Variants in SPDYE16 observed in about 807,000 individuals in gnomAD.
The protein encoded by SPDYE16 is speedy/RINGO cell cycle regulator family member E16, also known as speedy protein E16.
SPDYE16 carries 5 observed loss-of-function variants against 40.1 expected under a neutral mutation model. The observed-to-expected ratio is 0.12, with a 90% CI of 0.07 to 0.26. The LOEUF (loss-of-function observed/expected upper bound fraction) is 0.26. Ranked by LOEUF, SPDYE16 falls within the 10% of genes least tolerant of loss-of-function variation. The pLI, the probability that SPDYE16 is intolerant of heterozygous loss-of-function variation, is 1.00. For missense variants in SPDYE16, 98 were observed against 409.8 expected, an observed-to-expected ratio of 0.24 and a Z score of 6.57; for synonymous variants, 40 against 154.2, an observed-to-expected ratio of 0.26 and a Z score of 5.49.
At chr7:76,541,007 A>C (rs1357514565) in intron 2 of SPDYE16, among the ~76,000 whole-genome samples, 1 of 112,910 alleles carries the variant, frequency 8.9e-6, no homozygotes, top group African/African-American at 4.2e-5. Flanking sequence ...CAGTAGCGTG[A>C]TCTCAGCTCA....
At chr7:76,542,628 T>TA (rs1188752542) in intron 1 of SPDYE16, among the ~76,000 whole-genome samples, 1 of 145,712 alleles carries the variant, frequency 6.9e-6, no homozygotes, top group Non-Finnish European at 1.5e-5. Flanking sequence ...AGCCCATCTC[T>TA]AAAAAAACCA....
chr7:76,535,706 T>G (rs1813025463), intron 6 of SPDYE16, among the ~76,000 whole-genome samples: 1 of 54,862 alleles, frequency 1.8e-5, no homozygotes, highest in Non-Finnish European at 3.5e-5. Flanking sequence ...CTTTTTTTTT[T>G]TTTTTTTTTT....
chr7:76,539,321 G>A (rs1584288069), intron 3 of SPDYE16, among the ~76,000 whole-genome samples: 4 of 96,120 alleles, frequency 4.2e-5, no homozygotes, highest in African/African-American at 2.2e-4. Flanking sequence ...CAAGTGATCT[G>A]CCTGCCTGGC....
At chr7:76,540,974 CTT>C (rs1292373639) in intron 2 of SPDYE16, among the ~76,000 whole-genome samples, 3 of 113,470 alleles carry the variant, frequency 2.6e-5, no homozygotes, top group African/African-American at 8.4e-5. Context: ...CTTTTCTTTT[CTT>C]TTTTTTTTTT....
chr7:76,534,194 A>T, intron 6 of SPDYE16, 75 bp from the exon 7 acceptor site: 1 of 1,573,156 alleles, frequency 6.4e-7, no homozygotes, highest in Non-Finnish European at 8.6e-7. Context: ...CTTCCCAGAG[A>T]GGAAGGTAAG....
At chr7:76,539,403 C>T (rs1401034402) in intron 3 of SPDYE16, among the ~76,000 whole-genome samples, 1 of 98,114 alleles carries the variant, frequency 1.0e-5, no homozygotes, top group Non-Finnish European at 2.0e-5. Flanking sequence ...TCCCACACAC[C>T]CTCCTCACGT....
At position 76,540,114 on chromosome 7, in the gene SPDYE16, G is replaced by A. The variant is rs1813138434; in HGVS notation, c.379+14C>T. On this transcript the variant is annotated intron_variant, in intron 3 of 8. Coordinates refer to ENST00000633306, the MANE Select transcript of SPDYE16 (RefSeq NM_001394943.1). ...AGAACAGGATTGGAGGTGCTCTCTG[G>A]GGTGTCCTCCTACCAAGCTGACTGT... The A allele has an allele frequency of 1.0e-6, 1 of 993,582 alleles. No individual in the cohort carries two copies. Among genetic ancestry groups the A allele is most frequent in the Non-Finnish European group, 1.4e-6 (1 of 694,690 alleles). 61.5% of individuals were successfully genotyped at this position (993,582 alleles called of 1,614,324 possible).
rs3960513 is a variant in SPDYE16, at chr7:76,533,425, G to C, written c.*45+224C>G. On this transcript the variant is annotated intron_variant, in intron 8 of 8. Coordinates refer to ENST00000633306, the MANE Select transcript of SPDYE16 (RefSeq NM_001394943.1). ...AGTGCAGTGGCAGGATCAGGGCTCC[G>C]TGCAGCCCCGACCTTCCAGGCTCCA... is the stretch of plus-strand genomic sequence containing the variant. 2.8e-5 allele frequency: 17 copies of C among 607,518 alleles called. No homozygotes were observed. In the East Asian group the frequency reaches 6.4e-4, roughly 23 times the overall value. The allele number at this position is 607,518 out of a possible 1,614,324, so 37.6% of individuals were successfully genotyped here.
At chr7:76,539,062 T>A (rs1164517977) in intron 3 of SPDYE16, among the ~76,000 whole-genome samples, 1 of 71,160 alleles carries the variant, frequency 1.4e-5, no homozygotes, top group East Asian at 4.3e-4. Context: ...GCTCTCTGAG[T>A]CTCTCTTTTT....
chr7:76,542,026 A>ATCACGTGCAAGAGTGAGATTATCACGTG (rs1563775800), intron 1 of SPDYE16, among the ~76,000 whole-genome samples, 146 bp from the exon 2 acceptor site: 50 of 120,074 alleles, frequency 4.2e-4, no homozygotes, highest in Non-Finnish European at 7.9e-4. Context: ...ATTATCATGT[A>ATCACGTGCAAGAGTGAGATTATCACGTG]CAAGAGTGAG....
Position 76,541,364 on chromosome 7 carries a change from G to C in SPDYE16, c.96C>G (p.Pro32=). 6.5e-7 allele frequency: 1 copy of C among 1,534,794 alleles called. No homozygotes were observed. Among genetic ancestry groups the C allele is most frequent in the Non-Finnish European group, 8.7e-7 (1 of 1,146,652 alleles). ...RQPHPQNEQS[P]QRSTSGYSLQ... is the part of the protein sequence containing the mutation. The stretch of plus-strand genomic sequence containing the variant: ...GGGAGTACCCCGAGGTGCTCCGCTG[G>C]GGACTCTGCTCATTCTGGGGGTGAG... The change falls in exon 2 of 9, where the codon CCC becomes CCG. Residue 32 remains proline (P), a synonymous_variant. Coordinates refer to ENST00000633306, the MANE Select transcript of SPDYE16 (RefSeq NM_001394943.1).
chr7:76,541,201 C>T, intron 2 of SPDYE16, 99 bp downstream of exon 2: 1 of 1,466,106 alleles, frequency 6.8e-7, no homozygotes, highest in Non-Finnish European at 9.0e-7. Flanking sequence ...GCCTCAGCCT[C>T]CCAAAGTGCT....
intron 5 of SPDYE16, 145 bp from the exon 6 acceptor site, chr7:76,536,402 G>A: frequency 2.0e-6 from 1 of 497,804 alleles, no homozygotes; most frequent in South Asian, 2.7e-5. Context: ...TTTGGAAATT[G>A]CAGGATGGAG....
chr7:76,538,650 C>T lies in SPDYE16; in HGVS notation c.546G>A (p.Lys182=). 3 of 1,049,286 alleles carry T rather than the reference C, an allele frequency of 2.9e-6. 1 individual carries two copies. The highest frequency in any genetic ancestry group is 3.8e-6 in the Non-Finnish European group (3 of 794,596). 65.0% of individuals were successfully genotyped at this position (1,049,286 alleles called of 1,614,324 possible). The change falls in exon 4 of 9, where the codon AAG becomes AAA. Residue 182 remains lysine (K), a synonymous_variant. Coordinates refer to ENST00000633306, the MANE Select transcript of SPDYE16 (RefSeq NM_001394943.1). ...VVEMLCGLKM[K]LKRRRVSLVL... is the part of the protein sequence containing the mutation. ...CGAGCGACACTCGCCGTCGCTTCAGCTTCATCTTGAGGCCACACAGCATCT... is the reference window on the plus strand; with the variant it reads ...CGAGCGACACTCGCCGTCGCTTCAGTTTCATCTTGAGGCCACACAGCATCT...
At position 76,541,335 on chromosome 7, in the gene SPDYE16, T is replaced by C; in HGVS notation, c.125A>G (p.Gln42Arg). Residue 42 changes from glutamine (Q) to arginine (R), a missense_variant, in exon 2 of 9, where the codon CAG (glutamine) becomes CGG (arginine). Physicochemically the swap from Gln to Arg is conservative, Grantham distance 43. Transcript: ENST00000633306. ...PQRSTSGYSL[Q>R]EVVDDEVLGS... is the part of the protein sequence containing the mutation. ...CAACACTTCATCATCCACCACCTCC[T>C]GGAGGGAGTACCCCGAGGTGCTCCG... 1 of 1,534,856 alleles carries C rather than the reference T, an allele frequency of 6.5e-7. No homozygotes were observed. The highest frequency in any genetic ancestry group is 8.7e-7 in the Non-Finnish European group (1 of 1,146,640).
chr7:76,538,237 G>C (rs1306704754), intron 4 of SPDYE16, among the ~76,000 whole-genome samples: 1 of 80,662 alleles, frequency 1.2e-5, no homozygotes, highest in Non-Finnish European at 2.4e-5. Context: ...GTTTTGCTCT[G>C]TCACCCAGGC....
intron 1 of SPDYE16, among the ~76,000 whole-genome samples, chr7:76,542,096 T>C (rs1468929058): frequency 6.8e-6 from 1 of 147,620 alleles, no homozygotes; most frequent in Non-Finnish European, 1.5e-5. Context: ...TGTACAAGAG[T>C]GAGATTATCA....
intron 6 of SPDYE16, among the ~76,000 whole-genome samples, chr7:76,534,661 A>G (rs1354746712): frequency 3.4e-5 from 5 of 145,956 alleles, no homozygotes; most frequent in African/African-American, 1.0e-4. Context: ...AGGCTGAAGC[A>G]TAAGAATTGT....
chr7:76,542,065 T>TGTACAAGAGTGAGATTATCAC (rs1554645279), intron 1 of SPDYE16, among the ~76,000 whole-genome samples, 185 bp from the exon 2 acceptor site: 1 of 85,222 alleles, frequency 1.2e-5, no homozygotes, highest in African/African-American at 5.2e-5. Context: ...GAGATTATCA[T>TGTACAAGAGTGAGATTATCAC]GTACAAGAGT....
Sources: allele counts gnomAD v4.1 joint callset (sites outside exome capture counted in the v4.1 genomes callset), GRCh38; gene constraint gnomAD v4.1.1; transcripts MANE v1.5; gene names NCBI Gene and HGNC (gene_info 2026-07-23, HGNC 2026-07-21).